Variants in GPC3 observed in about 807,000 individuals in gnomAD.
GPC3 encodes glypican 3.
GPC3 carries 3 observed loss-of-function variants against 34.4 expected under a neutral mutation model. That is an observed-to-expected ratio of 0.09 (90% CI 0.04 to 0.23). GPC3 has a LOEUF of 0.23. GPC3 is among the 10% of genes least tolerant of loss of function. The pLI is 1.00. For missense variants in GPC3, 351 were observed against 445.6 expected (o/e 0.79, Z 1.91); for synonymous variants, 177 against 174.0 (o/e 1.02, Z -0.13).
intron 7 of GPC3, among the ~76,000 whole-genome samples, chrX:133,539,460 T>C (rs2069323407): frequency 8.9e-6 from 1 of 112,529 alleles, no homozygotes; most frequent in South Asian, 3.7e-4. Context: ...CACATAAAAT[T>C]GACCACATAC....
In GPC3 at chrX:133,953,373, C is replaced by T. The variant is rs980738770; in HGVS notation, c.176-162G>A. 1.9e-4 allele frequency among the ~76,000 whole-genome samples: 20 copies of T among 107,676 alleles called. 1 individual carries two copies. The highest frequency in any genetic ancestry group is 1.7e-3 in the Admixed American group (17 of 9,943). The allele number at this position is 107,676 out of a possible 115,157, so 93.5% of individuals were successfully genotyped here. A position where few individuals can be genotyped will look rare whatever the true frequency, so the allele number is the denominator to read the frequency against. On this transcript the variant is annotated intron_variant, in intron 1 of 7. Coordinates refer to ENST00000370818, the MANE Select transcript of GPC3 (RefSeq NM_004484.4). The stretch of plus-strand genomic sequence containing the variant: ...GTAAAATTTTGATTATTCAAAATTA[C>T]GTTTCATCTTAACTAATCCCTGCTT...
At chrX:133,606,076 C>A (rs1040235625) in intron 6 of GPC3, among the ~76,000 whole-genome samples, 1 of 112,186 alleles carries the variant, frequency 8.9e-6, no homozygotes. Flanking sequence ...GTGAATGCAG[C>A]AGTGAAACTT....
chrX:133,761,591 T>C (rs750354916), intron 2 of GPC3, among the ~76,000 whole-genome samples: 1 of 111,962 alleles, frequency 8.9e-6, no homozygotes, highest in South Asian at 3.7e-4. Flanking sequence ...ATTTGATAGA[T>C]AGATGGAGAG....
At chrX:133,575,834 C>G (rs960814523) in intron 7 of GPC3, among the ~76,000 whole-genome samples, 7 of 111,669 alleles carry the variant, frequency 6.3e-5, no homozygotes, top group Non-Finnish European at 9.4e-5. Flanking sequence ...ATACCACATG[C>G]TCTTCAATCC....
intron 3 of GPC3, among the ~76,000 whole-genome samples, chrX:133,704,887 A>G (rs1014597311): frequency 2.7e-5 from 3 of 111,311 alleles, no homozygotes; most frequent in African/African-American, 9.8e-5. Context: ...ATTCACTCCT[A>G]TACTCTATAA....
At chrX:133,588,942 G>A (rs1291266163) in intron 7 of GPC3, among the ~76,000 whole-genome samples, 1 of 111,226 alleles carries the variant, frequency 9.0e-6, no homozygotes, top group Non-Finnish European at 1.9e-5. Flanking sequence ...AATCTTAAAG[G>A]CTTCCTCCAC....
chrX:133,573,960 G>C (rs2069653882), intron 7 of GPC3, among the ~76,000 whole-genome samples: 1 of 112,111 alleles, frequency 8.9e-6, no homozygotes. Flanking sequence ...AAATAATACA[G>C]CCATACAATG....
In GPC3 at chrX:133,546,448, G is replaced by T. The variant is rs1339459228; in HGVS notation, c.1574-10155C>A. On this transcript the variant is annotated intron_variant, in intron 7 of 7. Transcript: ENST00000370818. Reference sequence around the variant, plus strand: ...CCATTATAGTAAGTGAAAGAAGCCAGTCACAAAATGCCATATAGTATATAA... The same window carrying T: ...CCATTATAGTAAGTGAAAGAAGCCATTCACAAAATGCCATATAGTATATAA... Among the ~76,000 whole-genome samples the T allele has an allele frequency of 2.7e-5, 3 of 109,987 alleles. No homozygotes were observed. In the East Asian group the frequency reaches 8.6e-4, roughly 31 times the overall value.
intron 5 of GPC3, among the ~76,000 whole-genome samples, chrX:133,668,550 G>GTT (rs74848621): frequency 2.0e-5 from 2 of 101,929 alleles, no homozygotes; most frequent in Admixed American, 1.1e-4. Flanking sequence ...GGCTTGGTTA[G>GTT]TTTTTTTTTT....
chrX:133,599,689 G>A (rs996566257), intron 6 of GPC3, among the ~76,000 whole-genome samples: 3 of 111,490 alleles, frequency 2.7e-5, no homozygotes, highest in African/African-American at 9.8e-5. Context: ...ATTTGCTTTC[G>A]ATATAAGCAT....
chrX:133,784,845 G>T (rs896505245), intron 2 of GPC3, among the ~76,000 whole-genome samples: 3 of 112,192 alleles, frequency 2.7e-5, no homozygotes, highest in East Asian at 5.6e-4. Context: ...GAAGGCCTGT[G>T]TACAGTAACA....
Position 133,842,650 on chromosome X carries a change from G to A in GPC3, c.338-88474C>T, listed in dbSNP as rs751606217. ...GAGGAAAGAAGAGAACCAGGAGTGC[G>A]TGCCAGCCCAGAAATTACACTAGGA... On this transcript the variant is annotated intron_variant, in intron 2 of 7. Coordinates refer to ENST00000370818, the MANE Select transcript of GPC3 (RefSeq NM_004484.4). Among the ~76,000 whole-genome samples, 14 of 110,655 alleles carry A rather than the reference G, an allele frequency of 1.3e-4. 1 individual carries two copies. Among genetic ancestry groups the A allele is most frequent in the Admixed American group, 1.9e-4 (2 of 10,298 alleles).
chrX:133,967,942 T>G (rs2076471477), intron 1 of GPC3, among the ~76,000 whole-genome samples: 1 of 112,564 alleles, frequency 8.9e-6, no homozygotes, highest in South Asian at 3.7e-4. Flanking sequence ...TTTTACTTTT[T>G]AAGGGAAAAC....
At chrX:133,976,397 G>C (rs2076515063) in intron 1 of GPC3, among the ~76,000 whole-genome samples, 1 of 111,694 alleles carries the variant, frequency 9.0e-6, no homozygotes, top group Non-Finnish European at 1.9e-5. Flanking sequence ...AGGTATGACT[G>C]TGAAATACCA....
chrX:133,884,266 C>T (rs1346347549), intron 2 of GPC3, among the ~76,000 whole-genome samples: 3 of 111,705 alleles, frequency 2.7e-5, no homozygotes. Context: ...AAGAATTCTC[C>T]GTTATGATTA....
chrX:133,536,026 C>T lies in GPC3; in HGVS notation c.*98G>A. ...TGGCTGGAGGAGGTATACAGGATAACAAAAAAAAAAAAATAGAAAAAAATA... is the reference window on the plus strand; with the variant it reads ...TGGCTGGAGGAGGTATACAGGATAATAAAAAAAAAAAAATAGAAAAAAATA... On this transcript the variant is annotated 3_prime_UTR_variant, in exon 8 of 8. Transcript: ENST00000370818. 1.8e-6 allele frequency: 1 copy of T among 551,756 alleles called. No individual in the cohort carries two copies. Among genetic ancestry groups the T allele is most frequent in the Non-Finnish European group, 2.8e-6 (1 of 355,604 alleles). 45.5% of individuals were successfully genotyped at this position (551,756 alleles called of 1,213,427 possible).
At chrX:133,762,726 C>T (rs1461380669) in intron 2 of GPC3, 1 of 376,052 alleles carries the variant, frequency 2.7e-6, no homozygotes, top group Non-Finnish European at 4.7e-6. Flanking sequence ...AGCCTTTCCG[C>T]CCTGCCCACA....
intron 2 of GPC3, among the ~76,000 whole-genome samples, chrX:133,755,002 C>T (rs1603240989): frequency 1.8e-5 from 2 of 111,766 alleles, no homozygotes; most frequent in African/African-American, 6.5e-5. Context: ...AAAGCCCAAT[C>T]AGTGTCATTG....
At chrX:133,666,097 T>C (rs904634430) in intron 5 of GPC3, among the ~76,000 whole-genome samples, 22 of 112,030 alleles carry the variant, frequency 2.0e-4, no homozygotes, top group African/African-American at 7.1e-4. Flanking sequence ...CCAAAACCAT[T>C]ATAAATATTA....
Sources: gnomAD v4.1 joint callset for allele counts (sites outside exome capture counted in the v4.1 genomes callset) on GRCh38, gnomAD v4.1.1 for gene constraint, MANE v1.5 for transcripts, NCBI Gene and HGNC (gene_info 2026-07-23, HGNC 2026-07-21) for gene names.